The following KCNIP1 variants were observed in gnomAD, a reference collection of about 807,000 sequenced individuals.
The protein encoded by KCNIP1 is A-type potassium channel modulatory protein KCNIP1.
Under a neutral mutation model 33.0 loss-of-function variants are expected in KCNIP1, and 18 were observed. The ratio of observed to expected loss-of-function variants is 0.55; its 90% CI spans 0.38 to 0.81. The LOEUF (loss-of-function observed/expected upper bound fraction) is 0.81, where lower values mean the gene tolerates loss of function less well. Among genes scored for constraint, KCNIP1 ranks in the 30% least tolerant of loss-of-function variants. The probability of loss-of-function intolerance (pLI) is 0.00; values close to 1 mark genes in which losing one functional copy is unlikely to be tolerated. For missense variants in KCNIP1, 238 were observed against 271.6 expected (o/e 0.88, Z 0.87); for synonymous variants, 93 against 98.3 (o/e 0.95, Z 0.32).
chr5:170,673,007 A>G (rs1761982357), intron 1 of KCNIP1, among the ~76,000 whole-genome samples: 1 of 152,244 alleles, frequency 6.6e-6, no homozygotes, highest in Non-Finnish European at 1.5e-5. Flanking sequence ...CTAATTACAG[A>G]TCATCCTGGA....
chr5:170,565,000 C>T (rs1230596921), intron 1 of KCNIP1, among the ~76,000 whole-genome samples: 1 of 152,114 alleles, frequency 6.6e-6, no homozygotes, highest in Non-Finnish European at 1.5e-5. Flanking sequence ...GTCCTGTGCC[C>T]TTTTAATTTT....
In KCNIP1 at chr5:170,616,880, C is replaced by G. The variant is rs181062272; in HGVS notation, c.62-101878C>G. On this transcript the variant is annotated intron_variant, in intron 1 of 7. Transcript: ENST00000328939. Reference sequence around the variant, plus strand: ...TTGTGCCACTGCTTGGATTGAATGTCCTCTGGAATTCAGCCTTCCTGGATG... The same window carrying G: ...TTGTGCCACTGCTTGGATTGAATGTGCTCTGGAATTCAGCCTTCCTGGATG... 5.3e-5 allele frequency among the ~76,000 whole-genome samples: 8 copies of G among 152,094 alleles called. No individual in the cohort carries two copies. The East Asian group carries it at 1.6e-3, about 30-fold the overall frequency.
At chr5:170,596,198 A>C (rs992959789) in intron 1 of KCNIP1, among the ~76,000 whole-genome samples, 3 of 152,254 alleles carry the variant, frequency 2.0e-5, no homozygotes, top group Admixed American at 2.0e-4. Flanking sequence ...CTAGAAGAAT[A>C]GAATTCCCCC....
upstream of KCNIP1, among the ~76,000 whole-genome samples, chr5:170,502,614 A>T (rs2113227406): frequency 6.6e-6 from 1 of 152,260 alleles, no homozygotes; most frequent in Middle Eastern, 3.4e-3. Context: ...GTACAATAGC[A>T]ATGTCTGTGC....
chr5:170,489,785 C>A lies in KCNIP1; in HGVS notation c.88+135821C>A, dbSNP rs1180655557. Among the ~76,000 whole-genome samples, 1 of 152,198 alleles carries A rather than the reference C, an allele frequency of 6.6e-6. No homozygotes were observed. Among genetic ancestry groups the A allele is most frequent in the Non-Finnish European group, 1.5e-5 (1 of 68,030 alleles). On this transcript the variant is annotated intron_variant, in intron 1 of 7. Coordinates refer to the KCNIP1 transcript ENST00000377360. The surrounding 1 kb of genome is among the most constrained non-coding windows in gnomAD (Gnocchi z 4.3). ...ATGAAGCCTGAGGCTAAAACCTATG[C>A]CCTATTTCCAGCCTCATGAAGTAAA...
At chr5:170,578,270 C>G (rs554322401) in intron 1 of KCNIP1, among the ~76,000 whole-genome samples, 1 of 152,162 alleles carries the variant, frequency 6.6e-6, no homozygotes, top group Non-Finnish European at 1.5e-5. Context: ...ACAGGGATCT[C>G]TGAGTGCCAT....
At chr5:170,519,094 G>C (rs1290059699) in intron 1 of KCNIP1, among the ~76,000 whole-genome samples, 1 of 152,172 alleles carries the variant, frequency 6.6e-6, no homozygotes. Flanking sequence ...GCATTATAAG[G>C]TTCTCATGGT....
At chr5:170,700,203 A>C (rs1763046443) in intron 1 of KCNIP1, among the ~76,000 whole-genome samples, 1 of 151,544 alleles carries the variant, frequency 6.6e-6, no homozygotes. Flanking sequence ...CTCACTCATC[A>C]CCTGTTGGTC....
At chr5:170,528,267 C>T (rs544915999) in intron 1 of KCNIP1, among the ~76,000 whole-genome samples, 1 of 152,272 alleles carries the variant, frequency 6.6e-6, no homozygotes, top group Admixed American at 6.5e-5. Context: ...CCCCTTTGTT[C>T]AAGGAGGGAG....
At chr5:170,387,298 C>A (rs1429473492) in intron 1 of KCNIP1, among the ~76,000 whole-genome samples, 1 of 152,142 alleles carries the variant, frequency 6.6e-6, no homozygotes, top group Admixed American at 6.5e-5. Flanking sequence ...TAGCCAGTGT[C>A]CGGGTGACAG....
chr5:170,525,240 G>A (rs74433994), intron 1 of KCNIP1, among the ~76,000 whole-genome samples: 1,807 of 152,290 alleles, frequency 0.012, 35 homozygotes, highest in East Asian at 0.046. Context: ...AAGAGCATGC[G>A]CTCTGCAGGC....
intron 1 of KCNIP1, among the ~76,000 whole-genome samples, chr5:170,568,275 T>A (rs955314060): frequency 6.6e-6 from 1 of 152,184 alleles, no homozygotes; most frequent in Non-Finnish European, 1.5e-5. Flanking sequence ...TTCCTGGGCA[T>A]GTAGTATGTC....
intron 1 of KCNIP1, among the ~76,000 whole-genome samples, chr5:170,464,531 C>T (rs909760393): frequency 6.6e-6 from 1 of 152,138 alleles, no homozygotes; most frequent in African/African-American, 2.4e-5. Flanking sequence ...GAACTGAGTA[C>T]GGTAATATTT....
At chr5:170,425,327 G>T (rs1755587626) in intron 1 of KCNIP1, among the ~76,000 whole-genome samples, 2 of 152,164 alleles carry the variant, frequency 1.3e-5, no homozygotes, top group African/African-American at 4.8e-5. Context: ...TCCAAGTTGG[G>T]TGAACCCTGA....
chr5:170,504,584 C>A lies in KCNIP1; in HGVS notation c.12C>A (p.Val4=), dbSNP rs1391526692. 1 of 1,613,754 alleles carries A rather than the reference C, an allele frequency of 6.2e-7. No individual in the cohort carries two copies. The highest frequency in any genetic ancestry group is 1.7e-5 in the Admixed American group (1 of 60,032). ...AAGTCTTCGCTGCCATGGGGGCCGT[C>A]ATGGGCACCTTCTCATCTCTGCAAA... is the stretch of plus-strand genomic sequence containing the variant. MGA[V]MGTFSSLQTK... is the part of the protein sequence containing the mutation. Residue 4 remains valine, a synonymous_variant, in exon 1 of 8, where the codon GTC becomes GTA. Transcript: ENST00000328939. This position sits in a 1 kb window ranked among gnomAD's most constrained non-coding sequence, Gnocchi z 6.0.
chr5:170,391,693 A>G (rs1031813428), intron 1 of KCNIP1, among the ~76,000 whole-genome samples: 1 of 152,220 alleles, frequency 6.6e-6, no homozygotes, highest in Non-Finnish European at 1.5e-5. Context: ...TTTTCTACCC[A>G]TTTGATAGAG....
At chr5:170,463,888 A>T (rs1271638689) in intron 1 of KCNIP1, among the ~76,000 whole-genome samples, 1 of 152,192 alleles carries the variant, frequency 6.6e-6, no homozygotes, top group African/African-American at 2.4e-5. Flanking sequence ...CTATTTCCGG[A>T]TGATACCACC....
chr5:170,599,191 C>T (rs1186992414), intron 1 of KCNIP1, among the ~76,000 whole-genome samples: 1 of 152,016 alleles, frequency 6.6e-6, no homozygotes, highest in Non-Finnish European at 1.5e-5. Context: ...TCACAGGTGA[C>T]GATGGAATCA....
chr5:170,704,841 G>C (rs13172714), intron 1 of KCNIP1, among the ~76,000 whole-genome samples: 24,505 of 152,156 alleles, frequency 0.16, 2,377 homozygotes, highest in African/African-American at 0.27. Context: ...CCTTGTAGGT[G>C]GGGGGATGCC....
Sources: allele counts gnomAD v4.1 joint callset (sites outside exome capture counted in the v4.1 genomes callset), GRCh38; gene constraint gnomAD v4.1.1; non-coding constraint Gnocchi (gnomAD v3.1); transcripts MANE v1.5; gene names NCBI Gene and HGNC (gene_info 2026-07-23, HGNC 2026-07-21).